MAN1A1: variants seen among roughly 807,000 people sequenced by gnomAD.
The protein encoded by MAN1A1 is mannosidase alpha class 1A member 1.
MAN1A1 carries 29 observed loss-of-function variants against 70.8 expected under a neutral mutation model. That is an observed-to-expected ratio of 0.41 (90% CI 0.31 to 0.56). MAN1A1 has a LOEUF of 0.56. MAN1A1 is among the 20% of genes least tolerant of loss of function. The pLI is 0.29. For missense variants in MAN1A1, 747 were observed against 841.3 expected, an observed-to-expected ratio of 0.89 and a Z score of 1.39; for synonymous variants, 349 against 330.1, an observed-to-expected ratio of 1.06 and a Z score of -0.62.
intron 3 of MAN1A1, among the ~76,000 whole-genome samples, chr6:119,303,755 A>G (rs1772457146): frequency 6.6e-6 from 1 of 152,128 alleles, no homozygotes; most frequent in South Asian, 2.1e-4. Flanking sequence ...CTCCAGGTAG[A>G]CTACAGCTAG....
chr6:119,328,459 C>T (rs944572570), intron 2 of MAN1A1, among the ~76,000 whole-genome samples: 12 of 152,372 alleles, frequency 7.9e-5, no homozygotes, highest in African/African-American at 2.9e-4. Context: ...GGCAAAGCCA[C>T]AAGCTCTCTC....
At chr6:119,271,698 C>A (rs998960861) in intron 5 of MAN1A1, among the ~76,000 whole-genome samples, 1 of 151,930 alleles carries the variant, frequency 6.6e-6, no homozygotes, top group Non-Finnish European at 1.5e-5. Context: ...GAGACAGGGT[C>A]TCACCATGTT....
At chr6:119,265,540 T>C (rs949839216) in intron 5 of MAN1A1, among the ~76,000 whole-genome samples, 3 of 152,144 alleles carry the variant, frequency 2.0e-5, no homozygotes, top group African/African-American at 7.2e-5. Flanking sequence ...AATAAACATT[T>C]AAAAAAATTT....
chr6:119,310,549 C>G (rs1021124067), intron 2 of MAN1A1, among the ~76,000 whole-genome samples: 2 of 152,168 alleles, frequency 1.3e-5, no homozygotes, highest in African/African-American at 4.8e-5. Flanking sequence ...CAACGTGGGG[C>G]GCCCTGGTGT....
chr6:119,319,032 A>G (rs998227891), intron 2 of MAN1A1, among the ~76,000 whole-genome samples: 2 of 150,728 alleles, frequency 1.3e-5, no homozygotes, highest in African/African-American at 2.4e-5. Context: ...ACACATGCAG[A>G]AAAAAAGTAC....
intron 9 of MAN1A1, among the ~76,000 whole-genome samples, chr6:119,193,309 C>G (rs1424485196): frequency 6.6e-6 from 1 of 152,124 alleles, no homozygotes; most frequent in Non-Finnish European, 1.5e-5. Context: ...ATGATCTTCC[C>G]TGAAATATGA....
At chr6:119,253,708 T>C (rs146651723) in intron 5 of MAN1A1, among the ~76,000 whole-genome samples, 4,254 of 152,300 alleles carry the variant, frequency 0.028, 94 homozygotes, top group Non-Finnish European at 0.045. Flanking sequence ...AGCCTAGTTA[T>C]AATGATTTAA....
chr6:119,181,635 T>C (rs904015675), intron 11 of MAN1A1, among the ~76,000 whole-genome samples: 4 of 152,210 alleles, frequency 2.6e-5, no homozygotes, highest in Non-Finnish European at 5.9e-5. Context: ...CCTTCCACTT[T>C]GTTGGTTACC....
intron 6 of MAN1A1, among the ~76,000 whole-genome samples, chr6:119,207,221 A>G (rs1187625486): frequency 3.3e-5 from 5 of 152,168 alleles, no homozygotes; most frequent in Admixed American, 6.5e-5. Context: ...ATCAGAAGGA[A>G]AATGGTACTC....
At chr6:119,294,097 C>T (rs758605552) in intron 4 of MAN1A1, among the ~76,000 whole-genome samples, 1 of 152,056 alleles carries the variant, frequency 6.6e-6, no homozygotes, top group African/African-American at 2.4e-5. Context: ...ATCATAAATA[C>T]TCATCTTCTT....
At chr6:119,215,212 A>C (rs889804382) in intron 6 of MAN1A1, among the ~76,000 whole-genome samples, 1 of 151,818 alleles carries the variant, frequency 6.6e-6, no homozygotes, top group Admixed American at 6.6e-5. Context: ...GAAAAAAAAA[A>C]CAAAAAACAA....
intron 2 of MAN1A1, among the ~76,000 whole-genome samples, chr6:119,314,563 T>C (rs1349422398): frequency 1.3e-5 from 2 of 152,048 alleles, no homozygotes; most frequent in Admixed American, 1.3e-4. Flanking sequence ...GGCTGGAAAC[T>C]CTCTCACGCT....
At chr6:119,212,230 T>G (rs1484334593) in intron 6 of MAN1A1, among the ~76,000 whole-genome samples, 1 of 152,060 alleles carries the variant, frequency 6.6e-6, no homozygotes, top group Admixed American at 6.6e-5. Context: ...AGGAAAATTT[T>G]TACCTTGCCC....
rs6922683 is a variant in MAN1A1, at chr6:119,325,485, C to T, written c.604-18493G>A. On this transcript the variant is annotated intron_variant, in intron 2 of 12. Coordinates refer to ENST00000368468, the MANE Select transcript of MAN1A1 (RefSeq NM_005907.4). Reference sequence around the variant, plus strand: ...CCAGCCTGGCTAACATGTGAAGCCCCGTCTCTAATAAAAATACAAAAATTA... The same window carrying T: ...CCAGCCTGGCTAACATGTGAAGCCCTGTCTCTAATAAAAATACAAAAATTA... 5.9e-3 allele frequency among the ~76,000 whole-genome samples: 892 copies of T among 152,120 alleles called. 26 individuals carry two copies. The East Asian group carries it at 0.089, about 15-fold the overall frequency.
chr6:119,228,396 A>G (rs902489869), intron 6 of MAN1A1, among the ~76,000 whole-genome samples: 1 of 152,162 alleles, frequency 6.6e-6, no homozygotes, highest in Non-Finnish European at 1.5e-5. Context: ...TTTCTTTAAT[A>G]ATATATAGTG....
At chr6:119,299,036 A>T (rs1772312872) in intron 4 of MAN1A1, among the ~76,000 whole-genome samples, 1 of 151,808 alleles carries the variant, frequency 6.6e-6, no homozygotes, top group African/African-American at 2.4e-5. Context: ...TTTTTTGCTA[A>T]GGCTTTTTCA....
intron 5 of MAN1A1, among the ~76,000 whole-genome samples, chr6:119,280,819 A>G (rs1172631541): frequency 6.6e-6 from 1 of 152,244 alleles, no homozygotes; most frequent in East Asian, 1.9e-4. Context: ...AAAGTGATTC[A>G]ATATAAATCA....
chr6:119,254,545 G>A (rs1775410388), intron 5 of MAN1A1, among the ~76,000 whole-genome samples: 1 of 152,208 alleles, frequency 6.6e-6, no homozygotes, highest in Non-Finnish European at 1.5e-5. Flanking sequence ...GGTTTCTGGT[G>A]TTTGTTGGTA....
At chr6:119,301,902 T>C in intron 4 of MAN1A1, 86 bp downstream of exon 4, 1 of 702,404 alleles carries the variant, frequency 1.4e-6, no homozygotes, top group Non-Finnish European at 2.5e-6. Flanking sequence ...TAGGGTACAT[T>C]ATAATACAAT....
Sources: gnomAD v4.1 joint callset for allele counts (sites outside exome capture counted in the v4.1 genomes callset) on GRCh38, gnomAD v4.1.1 for gene constraint, MANE v1.5 for transcripts, NCBI Gene and HGNC (gene_info 2026-07-23, HGNC 2026-07-21) for gene names.